The following SNX27 variants were observed in gnomAD, a reference collection of about 807,000 sequenced individuals.
The protein encoded by SNX27 is sorting nexin 27, also known as sorting nexin-27.
A neutral mutation model predicts 71.6 loss-of-function variants in SNX27; 22 were observed. The observed-to-expected ratio is 0.31, with a 90% CI of 0.22 to 0.44. The LOEUF is 0.44. SNX27 is among the 20% of genes least tolerant of loss of function. The pLI is 1.00. For synonymous variants in SNX27, 269 were observed against 277.2 expected, an observed-to-expected ratio of 0.97 and a Z score of 0.29; for missense variants, 531 against 698.6, an observed-to-expected ratio of 0.76 and a Z score of 2.70.
At chr1:151,672,212 G>A (rs1670478466) in intron 7 of SNX27, among the ~76,000 whole-genome samples, 1 of 152,104 alleles carries the variant, frequency 6.6e-6, no homozygotes, top group Non-Finnish European at 1.5e-5. Flanking sequence ...ATGAAAGGAT[G>A]TTGAATTTTA....
At chr1:151,642,613 TG>T (rs1308015628) in intron 2 of SNX27, among the ~76,000 whole-genome samples, 1 of 151,990 alleles carries the variant, frequency 6.6e-6, no homozygotes, top group Non-Finnish European at 1.5e-5. Context: ...TATCTTTTTT[TG>T]TAAGAACTTT....
chr1:151,683,340 T>A lies in SNX27; in HGVS notation c.1150-16T>A. 1 of 1,599,100 alleles carries A rather than the reference T, an allele frequency of 6.3e-7. No homozygotes were observed. Among genetic ancestry groups the A allele is most frequent in the Non-Finnish European group, 8.5e-7 (1 of 1,172,540 alleles). ...TTTTTACACTCCTTTCTGCTCTACT[T>A]CTGTTTTGGTGATAGGCAGTCGATG... is the stretch of plus-strand genomic sequence containing the variant. On this transcript the variant is annotated splice_polypyrimidine_tract_variant and intron_variant, in intron 7 of 11. Transcript: ENST00000458013.
At position 151,696,722 on chromosome 1, in the gene SNX27, T is replaced by G. The variant is rs920161902; in HGVS notation, c.*2305T>G. Reference sequence around the variant, plus strand: ...TGGAGTGCAGTGGCACGATCTCGGCTCACTGCACCCTCTGCCTCTTGGGTT... The same window carrying G: ...TGGAGTGCAGTGGCACGATCTCGGCGCACTGCACCCTCTGCCTCTTGGGTT... On this transcript the variant is annotated 3_prime_UTR_variant, in exon 12 of 12. Transcript: ENST00000458013. 2 of 147,038 alleles carry G rather than the reference T, an allele frequency of 1.4e-5. No homozygotes were observed. The highest frequency in any genetic ancestry group is 2.3e-4 in the South Asian group (1 of 4,416). The allele number at this position is 147,038 out of a possible 1,614,324, so 9.1% of individuals were successfully genotyped here.
chr1:151,675,017 T>G (rs1343954251), intron 7 of SNX27, among the ~76,000 whole-genome samples: 1 of 152,140 alleles, frequency 6.6e-6, no homozygotes, highest in Non-Finnish European at 1.5e-5. Context: ...TTTCGGTCAG[T>G]CCTCCTTATT....
At position 151,618,034 on chromosome 1, in the gene SNX27, T is replaced by C. The variant is rs566136978; in HGVS notation, c.311+5522T>C. On this transcript the variant is annotated intron_variant, in intron 1 of 11. Coordinates refer to ENST00000458013, the MANE Select transcript of SNX27 (RefSeq NM_001330723.2). ...CCACACCTGGCTAATTTTTTTGTAC[T>C]TTTTTTTTTTTTTTGTAGAGATGGG... 7.2e-5 allele frequency among the ~76,000 whole-genome samples: 10 copies of C among 139,838 alleles called. No homozygotes were observed. The East Asian group carries it at 1.9e-3, about 26-fold the overall frequency. The allele number at this position is 139,838 out of a possible 152,430, so 91.7% of individuals were successfully genotyped here.
intron 8 of SNX27, among the ~76,000 whole-genome samples, chr1:151,690,555 A>G (rs1285492613): frequency 2.6e-5 from 4 of 151,812 alleles, no homozygotes; most frequent in South Asian, 2.1e-4. Context: ...GGCTCAAGCA[A>G]TCCTCCCACC....
chr1:151,675,330 G>A (rs1670635029), intron 7 of SNX27, among the ~76,000 whole-genome samples: 1 of 152,158 alleles, frequency 6.6e-6, no homozygotes. Context: ...CTAATTGGAA[G>A]CCCTCTTTTA....
intron 2 of SNX27, among the ~76,000 whole-genome samples, chr1:151,641,276 A>G (rs887912350): frequency 1.4e-4 from 21 of 152,190 alleles, no homozygotes; most frequent in Non-Finnish European, 2.8e-4. Context: ...AAAAACTGCC[A>G]AACAGTTTTC....
intron 1 of SNX27, chr1:151,614,109 C>G (rs977411550): frequency 6.6e-6 from 1 of 151,514 alleles, no homozygotes. Flanking sequence ...TCCATGGTGT[C>G]CACTCATTCT....
intron 1 of SNX27, among the ~76,000 whole-genome samples, chr1:151,625,456 A>C (rs1468757940): frequency 1.3e-5 from 2 of 151,500 alleles, no homozygotes; most frequent in Admixed American, 1.3e-4. Context: ...CAGTGAGCTG[A>C]GATCATGCCA....
intron 1 of SNX27, among the ~76,000 whole-genome samples, chr1:151,623,376 G>A (rs1016746787): frequency 1.4e-4 from 22 of 152,052 alleles, no homozygotes; most frequent in African/African-American, 4.1e-4. Flanking sequence ...TTCTGACCTC[G>A]TGATCCGCCC....
At position 151,693,015 on chromosome 1, in the gene SNX27, A is replaced by T; in HGVS notation, c.1494A>T (p.Arg498=). ...FEYARGEKKP[R]WVKIFTPYFN... is the part of the protein sequence containing the mutation. ...ATGCACGAGGAGAGAAGAAGCCCCG[A>T]TGGGTTAAAATCTTCACGCCATATG... The change falls in exon 10 of 12, where the codon CGA becomes CGT. Residue 498 remains arginine, a synonymous_variant. Coordinates refer to ENST00000458013, the MANE Select transcript of SNX27 (RefSeq NM_001330723.2). 1 of 1,614,102 alleles carries T rather than the reference A, an allele frequency of 6.2e-7. No homozygotes were observed.
At chr1:151,653,706 A>T (rs557166762) in intron 2 of SNX27, among the ~76,000 whole-genome samples, 1 of 151,958 alleles carries the variant, frequency 6.6e-6, no homozygotes, top group African/African-American at 2.4e-5. Context: ...CTTTTTGTAG[A>T]GACAGAGTCC....
intron 4 of SNX27, 40 bp from the exon 5 acceptor site, chr1:151,662,126 T>C (rs1669988204): frequency 7.0e-7 from 1 of 1,422,228 alleles, no homozygotes; most frequent in Non-Finnish European, 9.9e-7. Flanking sequence ...AGTGAAGATA[T>C]ACTGGGCCAT....
chr1:151,669,454 A>G (rs934051064), intron 7 of SNX27: 1 of 152,164 alleles, frequency 6.6e-6, no homozygotes, highest in Non-Finnish European at 1.5e-5. Flanking sequence ...ATTTAGCTCC[A>G]TACTCTTCAC....
At chr1:151,662,850 C>T (rs1202530104) in intron 5 of SNX27, 2 of 152,112 alleles carry the variant, frequency 1.3e-5, no homozygotes, top group East Asian at 3.9e-4. Flanking sequence ...AATGAATCTC[C>T]ATATAGTAAT....
intron 3 of SNX27, among the ~76,000 whole-genome samples, chr1:151,659,178 C>G (rs1406445348): frequency 1.3e-5 from 2 of 152,146 alleles, no homozygotes; most frequent in Admixed American, 6.5e-5. Flanking sequence ...TGTAGGTAAT[C>G]TAGAGTGCCC....
At position 151,612,440 on chromosome 1, in the gene SNX27, A is replaced by C. The variant is rs753540643; in HGVS notation, c.239A>C (p.His80Pro). The C allele has an allele frequency of 6.9e-7, 1 of 1,455,810 alleles. No homozygotes were observed. Among genetic ancestry groups the C allele is most frequent in the Non-Finnish European group, 9.1e-7 (1 of 1,104,606 alleles). The allele number at this position is 1,455,810 out of a possible 1,614,324, so 90.2% of individuals were successfully genotyped here. Residue 80 changes from histidine to proline, a missense_variant, in exon 1 of 12, where the codon CAT becomes CCT. Physicochemically the swap from His to Pro is moderately conservative, Grantham distance 77 (BLOSUM62 -2). This residue lies in a region of SNX27 where 130 missense variants were observed against 143.5 expected (regional missense o/e 0.91). Transcript: ENST00000458013. This position sits in a 1 kb window ranked among gnomAD's most constrained non-coding sequence, Gnocchi z 5.2. ...INGELYAPLQ[H>P]VSAVLPGGAA... Reference sequence around the variant, plus strand: ...GGGGAGCTGTACGCGCCGCTGCAGCATGTGAGCGCCGTGCTGCCCGGGGGG... The same window carrying C: ...GGGGAGCTGTACGCGCCGCTGCAGCCTGTGAGCGCCGTGCTGCCCGGGGGG...
At chr1:151,646,683 AAATATAT>A (rs1428817698) in intron 2 of SNX27, among the ~76,000 whole-genome samples, 2 of 148,446 alleles carry the variant, frequency 1.3e-5, no homozygotes, top group South Asian at 4.2e-4. Flanking sequence ...TATAATATAT[AAATATAT>A]AATATATATT....
Sources: allele counts gnomAD v4.1 joint callset (sites outside exome capture counted in the v4.1 genomes callset), GRCh38; gene constraint gnomAD v4.1.1; regional missense constraint gnomAD v4.1.1; non-coding constraint Gnocchi (gnomAD v3.1); transcripts MANE v1.5; gene names NCBI Gene and HGNC (gene_info 2026-07-23, HGNC 2026-07-21).